Variants in SYNE2 observed in about 807,000 individuals in gnomAD.
SYNE2 encodes nesprin-2.
In SYNE2, 431 loss-of-function variants were observed where a neutral mutation model predicts 856.3. The ratio of observed to expected loss-of-function variants is 0.50; its 90% confidence interval spans 0.47 to 0.55. SYNE2 has a LOEUF of 0.55. Among genes scored for constraint, SYNE2 ranks in the 20% least tolerant of loss-of-function variants. SYNE2 has a pLI of 0.00. For synonymous variants in SYNE2, 2,923 were observed against 2,872.3 expected (o/e 1.02, Z -0.56); for missense variants, 8,129 against 8,023.2 (o/e 1.01, Z -0.50).
At chr14:64,159,796 G>A (rs2098314043) in intron 87 of SYNE2, among the ~76,000 whole-genome samples, 5 of 152,186 alleles carry the variant, frequency 3.3e-5, no homozygotes. Flanking sequence ...TGCAGGGGGT[G>A]TTCAAACATC....
Position 64,167,528 on chromosome 14 carries a change from T to C in SYNE2, c.16794T>C (p.Phe5598=). ...ELQGIGLNEK[F]LYCCEKWIQL... Reference sequence around the variant, plus strand: ...AGGGAATTGGATTGAATGAAAAGTTTCTTTATTGCTGTGAAAAGTGGATCC... The same window carrying C: ...AGGGAATTGGATTGAATGAAAAGTTCCTTTATTGCTGTGAAAAGTGGATCC... The change falls in exon 92 of 116, where the codon TTT becomes TTC. Residue 5598 remains phenylalanine, a synonymous_variant. Transcript: ENST00000555002. The C allele has an allele frequency of 2.5e-6, 4 of 1,614,244 alleles. No individual in the cohort carries two copies. The highest frequency in any genetic ancestry group is 3.4e-6 in the Non-Finnish European group (4 of 1,180,048).
chr14:63,944,620 T>C (rs1239748351), intron 6 of SYNE2, among the ~76,000 whole-genome samples: 5 of 146,010 alleles, frequency 3.4e-5, no homozygotes, highest in African/African-American at 1.3e-4. Context: ...ACCTCCTGGG[T>C]GCAACTGATT....
chr14:64,207,229 A>G (rs770074650), intron 100 of SYNE2, among the ~76,000 whole-genome samples: 1 of 152,208 alleles, frequency 6.6e-6, no homozygotes, highest in Non-Finnish European at 1.5e-5. Context: ...TTATTTTCTT[A>G]TATCAACCTA....
At chr14:64,085,760 C>CGA (rs2097556800) in intron 57 of SYNE2, among the ~76,000 whole-genome samples, 1 of 152,142 alleles carries the variant, frequency 6.6e-6, no homozygotes, top group Admixed American at 6.6e-5. Context: ...TCTCTAATGA[C>CGA]TAATAATTTT....
At chr14:64,147,037 C>T (rs1231151457) in intron 84 of SYNE2, among the ~76,000 whole-genome samples, 1 of 152,228 alleles carries the variant, frequency 6.6e-6, no homozygotes, top group African/African-American at 2.4e-5. Context: ...TCCACTTTAG[C>T]CTTCTGACAG....
intron 1 of SYNE2, among the ~76,000 whole-genome samples, chr14:63,774,120 G>C (rs962424211): frequency 2.6e-5 from 4 of 151,006 alleles, no homozygotes; most frequent in Non-Finnish European, 5.9e-5. Flanking sequence ...AGATCACGAG[G>C]TCAGGAGATC....
At chr14:64,223,041 C>T (rs1471417064) in intron 112 of SYNE2, 148 bp from the exon 113 acceptor site, 2 of 747,704 alleles carry the variant, frequency 2.7e-6, no homozygotes, top group East Asian at 2.8e-5. Flanking sequence ...CTGGAGGACA[C>T]AGGCAGATAT....
intron 45 of SYNE2, among the ~76,000 whole-genome samples, chr14:64,045,444 CG>C (rs2097179287): frequency 1.3e-5 from 1 of 79,122 alleles, no homozygotes; most frequent in Admixed American, 1.6e-4. Context: ...GGGTGTATTT[CG>C]GGGGGTGGGG....
intron 99 of SYNE2, among the ~76,000 whole-genome samples, chr14:64,195,423 TA>T (rs915746673): frequency 3.9e-5 from 6 of 152,202 alleles, no homozygotes; most frequent in Non-Finnish European, 5.9e-5. Context: ...TCGTCCTTAT[TA>T]AGCCACTGAC....
chr14:64,122,216 T>C lies in SYNE2; in HGVS notation c.13281-70T>C, dbSNP rs528447763. ...GAGTGTTTCTTTTAAAAATTGCTCA[T>C]AGAACTGTGAATGTAATACAAAATG... is the stretch of plus-strand genomic sequence containing the variant. On this transcript the variant is annotated intron_variant, in intron 69 of 115. Transcript: ENST00000555002. 1.6e-4 allele frequency: 254 copies of C among 1,614,058 alleles called. 2 individuals are homozygous for C. In the East Asian group the frequency reaches 4.3e-3, roughly 27 times the overall value.
chr14:64,076,613 G>C (rs888315651), intron 54 of SYNE2, among the ~76,000 whole-genome samples: 1 of 151,962 alleles, frequency 6.6e-6, no homozygotes, highest in African/African-American at 2.4e-5. Flanking sequence ...CAGATTTAAA[G>C]AAAAGGTGGA....
rs766008304 is a variant in SYNE2 at position 64,031,057 on chromosome 14, G to A, written c.6921G>A (p.Lys2307=). The change falls in exon 45 of 116, where the codon AAG becomes AAA. Residue 2307 remains lysine, a synonymous_variant. Coordinates refer to ENST00000555002, the MANE Select transcript of SYNE2 (RefSeq NM_182914.3). The part of the protein sequence containing the change: ...NRLSLQDGTL[K]KILALAKSVK... Reference sequence around the variant, plus strand: ...TCAGTTTACAAGATGGCACATTAAAGAAGATTTTAGCTTTAGCAAAATCCG... The same window carrying A: ...TCAGTTTACAAGATGGCACATTAAAAAAGATTTTAGCTTTAGCAAAATCCG... 4 of 1,613,956 alleles carry A rather than the reference G, an allele frequency of 2.5e-6. No individual in the cohort carries two copies. The highest frequency in any genetic ancestry group is 3.3e-5 in the Admixed American group (2 of 59,994).
intron 96 of SYNE2, among the ~76,000 whole-genome samples, chr14:64,185,452 A>G (rs1644250142): frequency 6.8e-6 from 1 of 147,926 alleles, no homozygotes; most frequent in African/African-American, 2.5e-5. Flanking sequence ...TCTTGAGTAA[A>G]TCCTAGATTT....
At chr14:63,936,837 G>T (rs2095839595) in intron 2 of SYNE2, among the ~76,000 whole-genome samples, 1 of 152,224 alleles carries the variant, frequency 6.6e-6, no homozygotes, top group Non-Finnish European at 1.5e-5. Flanking sequence ...AGTAACCCAG[G>T]TGGAGGTGAT....
intron 108 of SYNE2, among the ~76,000 whole-genome samples, chr14:64,216,595 C>G (rs2098667702): frequency 6.6e-6 from 1 of 152,194 alleles, no homozygotes; most frequent in Non-Finnish European, 1.5e-5. Context: ...TAGGTTCTGG[C>G]CAAAAACCAT....
At chr14:63,828,716 G>A (rs1782335131) in intron 1 of SYNE2, among the ~76,000 whole-genome samples, 1 of 151,970 alleles carries the variant, frequency 6.6e-6, no homozygotes, top group South Asian at 2.1e-4. Flanking sequence ...CGGCAACAGA[G>A]TGAGACTCCA....
At chr14:63,783,432 C>G (rs1196688277) in intron 1 of SYNE2, among the ~76,000 whole-genome samples, 3 of 152,086 alleles carry the variant, frequency 2.0e-5, no homozygotes, top group African/African-American at 7.2e-5. Flanking sequence ...GGCCGGAGTG[C>G]AGTGGCGCGA....
chr14:64,221,401 T>G lies in SYNE2; in HGVS notation c.20062-175T>G, dbSNP rs981978247. ...CACTGTGCTGAGTGTCTTCCTTCTT[T>G]CCTCTTCCTCATTTTGGGGCCCTGG... On this transcript the variant is annotated intron_variant, in intron 111 of 115. Coordinates refer to ENST00000555002, the MANE Select transcript of SYNE2 (RefSeq NM_182914.3). 6.0e-6 allele frequency: 7 copies of G among 1,172,832 alleles called. No individual in the cohort carries two copies. The Admixed American group carries it at 1.3e-4, about 22-fold the overall frequency. 72.7% of individuals were successfully genotyped at this position (1,172,832 alleles called of 1,614,324 possible).
chr14:64,016,641 A>T lies in SYNE2; in HGVS notation c.4887+10A>T, dbSNP rs557074239. On this transcript the variant is annotated intron_variant, in intron 33 of 115. Transcript: ENST00000555002. ...GGATAGATGGCTTGATGTAAGTGAT[A>T]ATTTCATTGATTGCAAATTTAATTT... 2 of 1,554,146 alleles carry T rather than the reference A, an allele frequency of 1.3e-6. No homozygotes were observed. The highest frequency in any genetic ancestry group is 2.3e-5 in the South Asian group (2 of 86,904).
Sources: gnomAD v4.1 joint callset for allele counts (sites outside exome capture counted in the v4.1 genomes callset) on GRCh38, gnomAD v4.1.1 for gene constraint, MANE v1.5 for transcripts, NCBI Gene and HGNC (gene_info 2026-07-23, HGNC 2026-07-21) for gene names.